LIMCH1: variants seen among roughly 807,000 people sequenced by gnomAD.
LIMCH1 encodes LIM and calponin homology domains-containing protein 1.
LIMCH1 carries 113 observed loss-of-function variants against 176.5 expected under a neutral mutation model. The ratio of observed to expected loss-of-function variants is 0.64; its 90% CI spans 0.55 to 0.75. The LOEUF (loss-of-function observed/expected upper bound fraction) is 0.75, where lower values mean the gene tolerates loss of function less well. Among genes scored for constraint, LIMCH1 ranks in the 30% least tolerant of loss-of-function variants. The pLI is 0.00. For missense variants in LIMCH1, 1,674 were observed against 1,814.9 expected, an observed-to-expected ratio of 0.92 and a Z score of 1.41; for synonymous variants, 619 against 645.9, an observed-to-expected ratio of 0.96 and a Z score of 0.63.
intron 18 of LIMCH1, among the ~76,000 whole-genome samples, chr4:41,655,654 C>T (rs77185559): frequency 6.6e-5 from 10 of 152,086 alleles, no homozygotes; most frequent in Admixed American, 1.3e-4. Context: ...CAGACACTTA[C>T]ATGATTCTTC....
intron 1 of LIMCH1, among the ~76,000 whole-genome samples, chr4:41,476,905 G>GCA (rs2067831359): frequency 6.6e-6 from 1 of 152,164 alleles, no homozygotes; most frequent in African/African-American, 2.4e-5. Flanking sequence ...GACAATAAAT[G>GCA]CACAGATGTG....
At chr4:41,413,333 A>G (rs1581750734) in intron 1 of LIMCH1, among the ~76,000 whole-genome samples, 1 of 151,464 alleles carries the variant, frequency 6.6e-6, no homozygotes, top group South Asian at 2.1e-4. Flanking sequence ...TGTATCTACA[A>G]TTTGACTTTT....
chr4:41,476,773 A>G (rs747408727), intron 1 of LIMCH1, among the ~76,000 whole-genome samples: 7 of 152,138 alleles, frequency 4.6e-5, no homozygotes, highest in Non-Finnish European at 7.3e-5. Flanking sequence ...ACTGAGTTGT[A>G]TATAGGATTA....
chr4:41,394,446 A>G (rs911030645), intron 1 of LIMCH1, among the ~76,000 whole-genome samples: 8 of 152,220 alleles, frequency 5.3e-5, no homozygotes, highest in African/African-American at 1.7e-4. Flanking sequence ...CCTATTGTTG[A>G]CTAAGGCTAA....
intron 1 of LIMCH1, among the ~76,000 whole-genome samples, chr4:41,581,446 C>T (rs990576161): frequency 6.6e-6 from 1 of 152,154 alleles, no homozygotes; most frequent in South Asian, 2.1e-4. Context: ...CAACATTTCC[C>T]TATTTCCCAC....
At chr4:41,692,751 G>A (rs1456281847) in intron 31 of LIMCH1, 1 of 188,734 alleles carries the variant, frequency 5.3e-6, no homozygotes, top group Admixed American at 5.6e-5. Context: ...GTTAAATGTG[G>A]AGAGCGGCTC....
At chr4:41,590,498 C>T (rs1464023914) in intron 1 of LIMCH1, among the ~76,000 whole-genome samples, 1 of 152,114 alleles carries the variant, frequency 6.6e-6, no homozygotes, top group Non-Finnish European at 1.5e-5. Flanking sequence ...CTCCTGTTCT[C>T]ATGAGCTGGT....
At chr4:41,369,256 G>T (rs2053581818) in intron 1 of LIMCH1, among the ~76,000 whole-genome samples, 1 of 152,140 alleles carries the variant, frequency 6.6e-6, no homozygotes, top group Non-Finnish European at 1.5e-5. Flanking sequence ...GAAGCTGGAT[G>T]GAGGCAAGGA....
At chr4:41,479,066 A>G (rs1334348841) in intron 1 of LIMCH1, among the ~76,000 whole-genome samples, 1 of 152,212 alleles carries the variant, frequency 6.6e-6, no homozygotes, top group Non-Finnish European at 1.5e-5. Flanking sequence ...AAAGAGACCC[A>G]TATACCCACC....
At chr4:41,492,888 C>G (rs922811318) in intron 1 of LIMCH1, among the ~76,000 whole-genome samples, 8 of 151,918 alleles carry the variant, frequency 5.3e-5, no homozygotes, top group East Asian at 1.9e-4. Context: ...TGTTATTTTT[C>G]TTCTGAAAGT....
chr4:41,441,972 G>A (rs749449631), intron 1 of LIMCH1, among the ~76,000 whole-genome samples: 3 of 152,044 alleles, frequency 2.0e-5, no homozygotes, highest in Non-Finnish European at 4.4e-5. Flanking sequence ...AAACTCTTGG[G>A]TTAGTGGGAA....
In LIMCH1 at chr4:41,620,536, C is replaced by G; in HGVS notation, c.571C>G (p.Pro191Ala). The change falls in exon 7 of 32, where the codon CCT (proline) becomes GCT (alanine). Residue 191 changes from proline (P) to alanine (A), a missense_variant. By Grantham distance (27) the Pro-to-Ala change is conservative. This residue lies in a region of LIMCH1 where 655 missense variants were observed against 692.2 expected (regional missense o/e 0.95). Transcript: ENST00000503057. Reference sequence around the variant, plus strand: ...GCCTTCCGATGGTGGGTGTGAATTACCTGACGGCAGTGGTAAGGAGCACCC... The same window carrying G: ...GCCTTCCGATGGTGGGTGTGAATTAGCTGACGGCAGTGGTAAGGAGCACCC... ...WKPSDGGCELPDGSGKEHPSS... is the reference protein window; with the variant it reads ...WKPSDGGCELADGSGKEHPSS... The G allele has an allele frequency of 1.3e-6, 2 of 1,536,450 alleles. No individual in the cohort carries two copies. The highest frequency in any genetic ancestry group is 1.2e-5 in the South Asian group (1 of 84,058).
At chr4:41,473,251 G>T (rs1353985319) in intron 1 of LIMCH1, 2 of 939,020 alleles carry the variant, frequency 2.1e-6, no homozygotes, top group East Asian at 1.2e-4. Context: ...CTTTGACTTT[G>T]CTCAGGTTTG....
chr4:41,365,962 C>G (rs1483038757), intron 1 of LIMCH1, among the ~76,000 whole-genome samples: 1 of 152,194 alleles, frequency 6.6e-6, no homozygotes, highest in Admixed American at 6.5e-5. Flanking sequence ...GCCACTGGGT[C>G]TCTTGGCCTC....
At chr4:41,683,641 G>C (rs1047158979) in intron 26 of LIMCH1, among the ~76,000 whole-genome samples, 1 of 152,182 alleles carries the variant, frequency 6.6e-6, no homozygotes, top group African/African-American at 2.4e-5. Context: ...GAGCTTTCCT[G>C]GTGGGATTTT....
rs553407381 is a variant in LIMCH1 at position 41,555,624 on chromosome 4, T to G, written c.-241+17274T>G. The stretch of plus-strand genomic sequence containing the variant: ...GCAAAATGCCCTTGAGGAGCTTATC[T>G]TCTAATGAGAAAACAGATAATAATG... On this transcript the variant is annotated intron_variant, in intron 1 of 31. Transcript: ENST00000503057. Among the ~76,000 whole-genome samples, 4 of 152,342 alleles carry G rather than the reference T, an allele frequency of 2.6e-5. No homozygotes were observed. The East Asian group carries it at 7.7e-4, about 29-fold the overall frequency.
intron 1 of LIMCH1, among the ~76,000 whole-genome samples, chr4:41,546,943 G>T (rs1177057058): frequency 6.6e-6 from 1 of 152,154 alleles, no homozygotes; most frequent in East Asian, 1.9e-4. Context: ...ACTACTGGAA[G>T]AGTCAAAGAT....
chr4:41,534,898 A>G (rs2077709418), upstream of LIMCH1, among the ~76,000 whole-genome samples: 1 of 152,182 alleles, frequency 6.6e-6, no homozygotes, highest in African/African-American at 2.4e-5. Flanking sequence ...GCAGTGGCTC[A>G]TGCCTATAAT....
chr4:41,573,116 C>T (rs2083826260), intron 1 of LIMCH1, among the ~76,000 whole-genome samples: 2 of 152,180 alleles, frequency 1.3e-5, no homozygotes, highest in African/African-American at 4.8e-5. Flanking sequence ...GTCGTGTCTC[C>T]TCTTTCTATG....
Sources: allele counts gnomAD v4.1 joint callset (sites outside exome capture counted in the v4.1 genomes callset), GRCh38; gene constraint gnomAD v4.1.1; regional missense constraint gnomAD v4.1.1; transcripts MANE v1.5; gene names NCBI Gene and HGNC (gene_info 2026-07-23, HGNC 2026-07-21).